The following EPHB4 variants were observed in gnomAD, a reference collection of about 807,000 sequenced individuals.
EPHB4 encodes the protein EPH receptor B4, also known as ephrin type-B receptor 4.
In EPHB4, 50 loss-of-function variants were observed where a neutral mutation model predicts 110.6. That is an observed-to-expected ratio of 0.45 (90% CI 0.36 to 0.57). The LOEUF is 0.57. EPHB4 is among the 20% of genes least tolerant of loss of function. EPHB4 has a pLI of 0.00. For missense variants in EPHB4, 1,128 were observed against 1,382.1 expected, an observed-to-expected ratio of 0.82 and a Z score of 2.91; for synonymous variants, 592 against 578.4, an observed-to-expected ratio of 1.02 and a Z score of -0.34.
chr7:100,827,140 G>C lies in EPHB4; in HGVS notation c.-110C>G. 8.1e-7 allele frequency: 1 copy of C among 1,241,028 alleles called. No individual in the cohort carries two copies. Among genetic ancestry groups the C allele is most frequent in the Non-Finnish European group, 1.1e-6 (1 of 905,474 alleles). 76.9% of individuals were successfully genotyped at this position (1,241,028 alleles called of 1,614,324 possible). A position where few individuals can be genotyped will look rare whatever the true frequency, so the allele number is the denominator to read the frequency against. Reference sequence around the variant, plus strand: ...GCCGATACTCCGCGCGGGACTCCTCGTCGGGGCCCTCAGCGCGGGCCCATG... The same window carrying C: ...GCCGATACTCCGCGCGGGACTCCTCCTCGGGGCCCTCAGCGCGGGCCCATG... On this transcript the variant is annotated 5_prime_UTR_variant, in exon 1 of 17. Coordinates refer to ENST00000358173, the MANE Select transcript of EPHB4 (RefSeq NM_004444.5).
In EPHB4 at chr7:100,803,638, C is replaced by T. The variant is rs771705749; in HGVS notation, c.2835-48G>A. ...GGTGAGACCCTAGGTTCCCTGTGGC[C>T]GCTCTCCTCTCTTGGCTCCTGAGAC... On this transcript the variant is annotated intron_variant, in intron 16 of 16. Transcript: ENST00000358173. 60 of 1,540,482 alleles carry T rather than the reference C, an allele frequency of 3.9e-5. 1 individual carries two copies. Among genetic ancestry groups the T allele is most frequent in the Middle Eastern group, 1.7e-4 (1 of 5,864 alleles).
rs1812847165 is a variant in EPHB4 at position 100,807,658 on chromosome 7, T to TA, written c.2119-79dup. On this transcript the variant is annotated intron_variant, in intron 12 of 16. Transcript: ENST00000358173. ...CCCTCCCATCCACATCTTTTTTTTTTAGAGACAGGGTCTTGTTCTGTCGCC... is the reference window on the plus strand; with the variant it reads ...CCCTCCCATCCACATCTTTTTTTTTTAAGAGACAGGGTCTTGTTCTGTCGCC... The TA allele has an allele frequency of 2.9e-5, 42 of 1,426,240 alleles. 1 individual carries two copies. The South Asian group carries it at 4.9e-4, about 17-fold the overall frequency. 88.3% of individuals were successfully genotyped at this position (1,426,240 alleles called of 1,614,324 possible). A position where few individuals can be genotyped will look rare whatever the true frequency, so the allele number is the denominator to read the frequency against.
intron 3 of EPHB4, 137 bp downstream of exon 3, chr7:100,823,507 A>G (rs1813291628): frequency 1.7e-6 from 2 of 1,184,954 alleles, no homozygotes; most frequent in East Asian, 5.1e-5. Flanking sequence ...TTCCCTCCCC[A>G]GACCTAAGCC....
In EPHB4 at chr7:100,813,639, T is replaced by C; in HGVS notation, c.1756+13A>G. ...CCCCAAGCCCCTATTCCCATCAAATTAGGGCAACCCACCATGTCCGATGAG... is the reference window on the plus strand; with the variant it reads ...CCCCAAGCCCCTATTCCCATCAAATCAGGGCAACCCACCATGTCCGATGAG... On this transcript the variant is annotated intron_variant, in intron 10 of 16. Coordinates refer to ENST00000358173, the MANE Select transcript of EPHB4 (RefSeq NM_004444.5). The C allele has an allele frequency of 6.2e-7, 1 of 1,613,764 alleles. No individual in the cohort carries two copies. The highest frequency in any genetic ancestry group is 8.5e-7 in the Non-Finnish European group (1 of 1,179,910).
chr7:100,814,318 G>A (rs982058371), intron 8 of EPHB4, among the ~76,000 whole-genome samples: 2 of 152,142 alleles, frequency 1.3e-5, no homozygotes, highest in African/African-American at 4.8e-5. Flanking sequence ...TCACTCTGTC[G>A]CCCAGGCTGG....
At chr7:100,811,920 C>T (rs1368429122) in intron 12 of EPHB4, among the ~76,000 whole-genome samples, 1 of 151,712 alleles carries the variant, frequency 6.6e-6, no homozygotes, top group Non-Finnish European at 1.5e-5. Context: ...GTCTGTAATC[C>T]CAGCACTTTG....
rs1813302719 is a variant in EPHB4, at chr7:100,823,792, G to A, written c.263C>T (p.Ala88Val). 3 of 1,613,464 alleles carry A rather than the reference G, an allele frequency of 1.9e-6. No homozygotes were observed. The highest frequency in any genetic ancestry group is 1.7e-6 in the Non-Finnish European group (2 of 1,179,936). ...CTCGAGCATGGTGAAGCGCAGCGTG[G>A]CGTACACGTGGACGGCGCCCCGCCG... is the stretch of plus-strand genomic sequence containing the variant. ...VPRRGAVHVY[A>V]TLRFTMLECL... The change falls in exon 3 of 17, where the codon GCC (alanine) becomes GTC (valine). Residue 88 changes from alanine (A) to valine (V), a missense_variant. Transcript: ENST00000358173.
intron 2 of EPHB4, 116 bp from the exon 3 acceptor site, chr7:100,824,047 G>A: frequency 1.3e-6 from 2 of 1,518,652 alleles, no homozygotes; most frequent in Non-Finnish European, 1.8e-6. Flanking sequence ...GTACTGCGAG[G>A]AGGGCGCCTC....
chr7:100,803,477 G>T lies in EPHB4; in HGVS notation c.2948C>A (p.Pro983Gln). The T allele has an allele frequency of 6.3e-7, 1 of 1,575,584 alleles. No homozygotes were observed. The highest frequency in any genetic ancestry group is 1.8e-5 in the Admixed American group (1 of 54,590). The change falls in exon 17 of 17, where the codon CCG becomes CAG. Residue 983 changes from proline (P) to glutamine (Q), a missense_variant. Physicochemically the swap from Pro to Gln is moderately conservative, Grantham distance 76. Around this residue, in one of 3 missense-constraint regions of EPHB4, gnomAD observed 209 missense variants for 240.5 expected, o/e 0.87. Coordinates refer to ENST00000358173, the MANE Select transcript of EPHB4 (RefSeq NM_004444.5). The stretch of plus-strand genomic sequence containing the variant: ...TCCTGCAGGTCAGTACTGCGGGGCC[G>T]GTCCTCCTGTCCCACCCGGGGTTCC... ...KPGTPGGTGG[P>Q]APQY is the part of the protein sequence containing the mutation.
Position 100,823,727 on chromosome 7 carries a change from T to A in EPHB4, c.328A>T (p.Thr110Ser), listed in dbSNP as rs1367690469. The change falls in exon 3 of 17, where the codon ACC becomes TCC. Residue 110 changes from threonine (T) to serine (S), a missense_variant. Transcript: ENST00000358173. ...CTCTCATAGTAGAAGACGGTGAAGG[T>A]CTCCTTGCAGGAGCGCCCAGCCCGA... Reference protein sequence around the residue: ...LPRAGRSCKETFTVFYYESDA... With the variant: ...LPRAGRSCKESFTVFYYESDA... 6.2e-7 allele frequency: 1 copy of A among 1,613,576 alleles called. No individual in the cohort carries two copies. The highest frequency in any genetic ancestry group is 8.5e-7 in the Non-Finnish European group (1 of 1,179,954).
At chr7:100,808,180 A>G (rs1477093528) in intron 12 of EPHB4, among the ~76,000 whole-genome samples, 1 of 152,182 alleles carries the variant, frequency 6.6e-6, no homozygotes, top group Non-Finnish European at 1.5e-5. Context: ...AACCTGGTAC[A>G]CTGCTTTATA....
Position 100,823,934 on chromosome 7 carries a change from G to T in EPHB4, c.124-3C>A. On this transcript the variant is annotated splice_polypyrimidine_tract_variant and splice_region_variant and intron_variant, in intron 2 of 16. Coordinates refer to ENST00000358173, the MANE Select transcript of EPHB4 (RefSeq NM_004444.5). ...TCCAGGCCGCTCAGTTCCTCCCACT[G>T]TGCAGAGAAGGAGGTCAGCAAGGGG... 6.3e-7 allele frequency: 1 copy of T among 1,575,008 alleles called. No individual in the cohort carries two copies.
chr7:100,826,286 G>A (rs1189330849), intron 1 of EPHB4, among the ~76,000 whole-genome samples: 6 of 152,094 alleles, frequency 3.9e-5, no homozygotes, highest in African/African-American at 1.4e-4. Context: ...GTTTCTACCT[G>A]GGGGCTGTGT....
In EPHB4 at chr7:100,822,815, AG is replaced by A. The variant is rs1300415010; in HGVS notation, c.412-149del. The A allele has an allele frequency of 8.0e-7, 1 of 1,251,150 alleles. No homozygotes were observed. The highest frequency in any genetic ancestry group is 2.6e-5 in the East Asian group (1 of 38,614). 77.5% of individuals were successfully genotyped at this position (1,251,150 alleles called of 1,614,324 possible). A position where few individuals can be genotyped will look rare whatever the true frequency, so the allele number is the denominator to read the frequency against. On this transcript the variant is annotated intron_variant, in intron 3 of 16. Coordinates refer to ENST00000358173, the MANE Select transcript of EPHB4 (RefSeq NM_004444.5). This position sits in a 1 kb window ranked among gnomAD's most constrained non-coding sequence, Gnocchi z 4.7. ...ACCTTCCCCAGGGCACACTTTCTGC[AG>A]GCCCCCACACTGTCCATTCAGCCTT...
intron 14 of EPHB4, 79 bp from the exon 15 acceptor site, chr7:100,805,773 T>C: frequency 7.5e-7 from 1 of 1,335,232 alleles, no homozygotes; most frequent in East Asian, 2.7e-5. Flanking sequence ...AATGGTGACT[T>C]GGAAGATGGT....
At chr7:100,811,741 A>G (rs1443825543) in intron 12 of EPHB4, among the ~76,000 whole-genome samples, 1 of 151,752 alleles carries the variant, frequency 6.6e-6, no homozygotes, top group Non-Finnish European at 1.5e-5. Context: ...ATGGTGGTAC[A>G]TGAGTGTAGT....
intron 10 of EPHB4, 62 bp from the exon 11 acceptor site, chr7:100,813,270 G>T: frequency 7.4e-7 from 1 of 1,350,452 alleles, no homozygotes; most frequent in Non-Finnish European, 1.0e-6. Context: ...CGGAGGCTCG[G>T]CTCATAGCTT....
intron 16 of EPHB4, among the ~76,000 whole-genome samples, chr7:100,804,757 A>G (rs1386994872): frequency 6.6e-6 from 1 of 152,172 alleles, no homozygotes; most frequent in East Asian, 1.9e-4. Context: ...GGAATCATAA[A>G]ACCATTTCAC....
Position 100,819,837 on chromosome 7 carries a change from C to A in EPHB4, c.1017G>T (p.Leu339=), listed in dbSNP as rs55867842. ...SVVSRLNGSS[L]HLEWSAPLES... ...CCAGGGGGGCACTCCATTCCAGGTG[C>A]AGGGAGGAGCCGTTCAGGCGGGAAA... The change falls in exon 6 of 17, where the codon CTG becomes CTT. Residue 339 remains leucine, a synonymous_variant. Coordinates refer to ENST00000358173, the MANE Select transcript of EPHB4 (RefSeq NM_004444.5). The A allele has an allele frequency of 7.7e-4, 1,203 of 1,555,112 alleles. 1 individual carries two copies. Among genetic ancestry groups the A allele is most frequent in the Non-Finnish European group, 1.0e-3 (1,155 of 1,149,710 alleles).
Sources: gnomAD v4.1 joint callset for allele counts (sites outside exome capture counted in the v4.1 genomes callset) on GRCh38, gnomAD v4.1.1 for gene constraint, gnomAD v4.1.1 regional missense constraint, Gnocchi (gnomAD v3.1) non-coding constraint, MANE v1.5 for transcripts, NCBI Gene and HGNC (gene_info 2026-07-23, HGNC 2026-07-21) for gene names.